DLG2: variants seen among roughly 807,000 people sequenced by gnomAD.
The protein encoded by DLG2 is disks large homolog 2.
Under a neutral mutation model 132.5 loss-of-function variants are expected in DLG2, and 45 were observed. The ratio of observed to expected loss-of-function variants is 0.34; its 90% CI spans 0.27 to 0.44. The LOEUF (loss-of-function observed/expected upper bound fraction) is 0.44. Among genes scored for constraint, DLG2 ranks in the 20% least tolerant of loss-of-function variants. DLG2 has a pLI of 1.00. For synonymous variants in DLG2, 424 were observed against 419.6 expected (o/e 1.01, Z -0.13); for missense variants, 1,045 against 1,196.9 (o/e 0.87, Z 1.87).
chr11:83,523,678 A>C (rs1439226223), intron 21 of DLG2, among the ~76,000 whole-genome samples: 1 of 152,196 alleles, frequency 6.6e-6, no homozygotes, highest in African/African-American at 2.4e-5. Context: ...TAACAAATCT[A>C]CAGATGTTCA....
chr11:85,100,023 T>A (rs2070612389), intron 6 of DLG2, among the ~76,000 whole-genome samples: 1 of 152,142 alleles, frequency 6.6e-6, no homozygotes, highest in Admixed American at 6.6e-5. Context: ...TGGTTCTGAG[T>A]TAGGAAATAC....
chr11:84,288,127 C>T (rs2097935361), intron 7 of DLG2, among the ~76,000 whole-genome samples: 1 of 151,858 alleles, frequency 6.6e-6, no homozygotes, highest in South Asian at 2.1e-4. Context: ...AATTAACAAT[C>T]CATTAATTAT....
intron 7 of DLG2, among the ~76,000 whole-genome samples, chr11:84,341,459 G>T (rs1567341228): frequency 6.6e-6 from 1 of 152,138 alleles, no homozygotes; most frequent in Non-Finnish European, 1.5e-5. Flanking sequence ...AGACAGGTGG[G>T]TCTTAACCTT....
chr11:84,114,256 T>C (rs1423481238), intron 9 of DLG2, among the ~76,000 whole-genome samples: 1 of 152,140 alleles, frequency 6.6e-6, no homozygotes, highest in East Asian at 1.9e-4. Context: ...GTAAAAAGGA[T>C]CCTGAGACCA....
chr11:85,208,342 A>G (rs1410253021), intron 4 of DLG2, among the ~76,000 whole-genome samples: 1 of 152,136 alleles, frequency 6.6e-6, no homozygotes, highest in East Asian at 1.9e-4. Flanking sequence ...GAGCACACAT[A>G]TGGCTAAGAT....
At chr11:85,062,969 T>A (rs755918755) in intron 6 of DLG2, among the ~76,000 whole-genome samples, 1 of 151,780 alleles carries the variant, frequency 6.6e-6, no homozygotes, top group Non-Finnish European at 1.5e-5. Flanking sequence ...CATCCTGAAA[T>A]GCATGTACAT....
chr11:84,594,149 T>A (rs2099550620), intron 6 of DLG2, among the ~76,000 whole-genome samples: 1 of 152,170 alleles, frequency 6.6e-6, no homozygotes, highest in South Asian at 2.1e-4. Context: ...ATTTGTAGAA[T>A]GAAAAGAATG....
chr11:85,241,865 C>A (rs768115017), intron 4 of DLG2, among the ~76,000 whole-genome samples: 1 of 151,882 alleles, frequency 6.6e-6, no homozygotes, highest in Non-Finnish European at 1.5e-5. Context: ...TACAAAACAT[C>A]TCTGTTTTAT....
intron 6 of DLG2, among the ~76,000 whole-genome samples, chr11:84,623,420 T>C (rs934753528): frequency 1.3e-5 from 2 of 152,198 alleles, no homozygotes; most frequent in Non-Finnish European, 2.9e-5. Context: ...TAATAATCAG[T>C]GCTTATGTAG....
intron 3 of DLG2, among the ~76,000 whole-genome samples, chr11:85,574,663 C>A (rs1025963889): frequency 1.3e-5 from 2 of 152,064 alleles, no homozygotes; most frequent in Admixed American, 1.3e-4. Context: ...ACTGCAAGAT[C>A]TGATTGTTAA....
chr11:83,714,768 C>T (rs1029897528), intron 18 of DLG2, among the ~76,000 whole-genome samples: 7 of 152,162 alleles, frequency 4.6e-5, no homozygotes, highest in African/African-American at 1.7e-4. Context: ...TACATGTGCA[C>T]AGCATGCAGG....
chr11:84,295,600 CT>C (rs1425931502), intron 7 of DLG2, among the ~76,000 whole-genome samples: 1 of 152,086 alleles, frequency 6.6e-6, no homozygotes, highest in Non-Finnish European at 1.5e-5. Context: ...CTTGAACTTC[CT>C]CATTTTATAG....
intron 6 of DLG2, among the ~76,000 whole-genome samples, chr11:85,092,985 T>A (rs552891192): frequency 3.9e-5 from 6 of 152,256 alleles, no homozygotes; most frequent in South Asian, 4.1e-4. Context: ...AATAATCATA[T>A]CATGGAAAAT....
At chr11:83,794,501 CT>C (rs2042331135) in intron 17 of DLG2, among the ~76,000 whole-genome samples, 2 of 129,240 alleles carry the variant, frequency 1.5e-5, no homozygotes. Context: ...TGCATGGATT[CT>C]GAGAGTTCTA....
At chr11:84,071,076 A>G (rs569500234) in intron 10 of DLG2, among the ~76,000 whole-genome samples, 1 of 152,146 alleles carries the variant, frequency 6.6e-6, no homozygotes, top group South Asian at 2.1e-4. Flanking sequence ...TTTCATTTTT[A>G]GTTAATTAAT....
At chr11:85,567,268 C>T (rs1036556635) in intron 3 of DLG2, among the ~76,000 whole-genome samples, 1 of 152,146 alleles carries the variant, frequency 6.6e-6, no homozygotes, top group South Asian at 2.1e-4. Flanking sequence ...GGAAGTATTA[C>T]CATCTTAACC....
chr11:85,257,255 G>T (rs147983612), intron 4 of DLG2, among the ~76,000 whole-genome samples: 63 of 152,234 alleles, frequency 4.1e-4, no homozygotes, highest in African/African-American at 1.5e-3. Context: ...CCATTTATTG[G>T]CATGCAAATA....
At chr11:85,020,959 C>A (rs1034234593) in intron 6 of DLG2, 9 of 777,748 alleles carry the variant, frequency 1.2e-5, no homozygotes, top group Non-Finnish European at 2.1e-5. Context: ...TTAGTCTCAT[C>A]TTTCTTCACG....
chr11:85,564,070 C>T (rs1202286845), intron 3 of DLG2, among the ~76,000 whole-genome samples: 1 of 151,966 alleles, frequency 6.6e-6, no homozygotes, highest in Non-Finnish European at 1.5e-5. Context: ...TTAGTGCTTA[C>T]TTGCCATTAG....
Sources: allele counts gnomAD v4.1 joint callset (sites outside exome capture counted in the v4.1 genomes callset), GRCh38; gene constraint gnomAD v4.1.1; transcripts MANE v1.5; gene names NCBI Gene and HGNC (gene_info 2026-07-23, HGNC 2026-07-21).